Variants in EIF5B observed in about 807,000 individuals in gnomAD.
EIF5B encodes the protein eukaryotic translation initiation factor 5B, also known as eIF-5B.
A neutral mutation model predicts 147.5 loss-of-function variants in EIF5B; 47 were observed. That is an observed-to-expected ratio of 0.32 (90% CI 0.25 to 0.41). The LOEUF is 0.41. EIF5B is among the 10% of genes least tolerant of loss of function. The pLI is 1.00. For missense variants in EIF5B, 1,064 were observed against 1,413.2 expected (o/e 0.75, Z 3.96); for synonymous variants, 455 against 456.2 (o/e 1.00, Z 0.03).
rs1203393035 is a variant in EIF5B at position 99,390,273 on chromosome 2, T to C, written c.2458T>C (p.Leu820=). 3.1e-6 allele frequency: 5 copies of C among 1,614,030 alleles called. No individual in the cohort carries two copies. The highest frequency in any genetic ancestry group is 1.7e-5 in the Admixed American group (1 of 60,008). The change falls in exon 16 of 24, where the codon TTG becomes CTG. Residue 820 remains leucine, a synonymous_variant. Transcript: ENST00000289371. ...TAAAGATCCCCGCACTTTTGTGTCT[T>C]TGGTACCTACCTCTGCACATACTGG... ...ENKDPRTFVS[L]VPTSAHTGDG...
rs767337091 is a variant in EIF5B at position 99,401,191 on chromosome 2, C to T, written c.*1777C>T. On this transcript the variant is annotated 3_prime_UTR_variant, in exon 24 of 24. Coordinates refer to ENST00000289371, the MANE Select transcript of EIF5B (RefSeq NM_015904.4). ...TATCATGCACTTTGCAAATACCTCA[C>T]AAGCACTTATGGCACAGCTATCAGA... 1.7e-6 allele frequency: 2 copies of T among 1,158,726 alleles called. No homozygotes were observed. The highest frequency in any genetic ancestry group is 2.5e-5 in the South Asian group (2 of 80,484). The allele number at this position is 1,158,726 out of a possible 1,614,324, so 71.8% of individuals were successfully genotyped here.
chr2:99,398,807 A>G lies in EIF5B; in HGVS notation c.3453A>G (p.Ala1151=), dbSNP rs762461406. The change falls in exon 23 of 24, where the codon GCA becomes GCG. Residue 1151 remains alanine, a synonymous_variant. Transcript: ENST00000289371. ...TAAACCATAAACAAGTGGATGTTGC[A>G]AAAAAAGGACAAGAAGTTTGTGTAA... ...IEINHKQVDV[A]KKGQEVCVKI... The G allele has an allele frequency of 6.2e-7, 1 of 1,613,318 alleles. No individual in the cohort carries two copies. Among genetic ancestry groups the G allele is most frequent in the Non-Finnish European group, 8.5e-7 (1 of 1,179,550 alleles).
At position 99,361,615 on chromosome 2, in the gene EIF5B, C is replaced by T. The variant is rs750268998; in HGVS notation, c.714C>T (p.Arg238=). The change falls in exon 4 of 24, where the codon CGC becomes CGT. Residue 238 remains arginine (R), a synonymous_variant. Coordinates refer to ENST00000289371, the MANE Select transcript of EIF5B (RefSeq NM_015904.4). ...VAQKKAEKKE[R]ERKKRDEEKA... ...AAAAGAAGGCAGAAAAGAAGGAGCG[C>T]GAGAGAAAAAAGCGAGATGAAGAAA... is the stretch of plus-strand genomic sequence containing the variant. 14 of 1,593,692 alleles carry T rather than the reference C, an allele frequency of 8.8e-6. No individual in the cohort carries two copies. The highest frequency in any genetic ancestry group is 1.7e-4 in the Middle Eastern group (1 of 5,960).
rs1452773506 is a variant in EIF5B at position 99,382,862 on chromosome 2, A to C, written c.2212A>C (p.Ile738Leu). ...TATGCATGGTTTGGAGCCCCAGACA[A>C]TTGAGTCTATCAACCTTCTCAAATC... ...DIMHGLEPQT[I>L]ESINLLKSKK... The change falls in exon 14 of 24, where the codon ATT (isoleucine) becomes CTT (leucine). Residue 738 changes from isoleucine to leucine, a missense_variant. Ile to Leu is a conservative substitution (Grantham distance 5). Transcript: ENST00000289371. 1 of 1,612,672 alleles carries C rather than the reference A, an allele frequency of 6.2e-7. No homozygotes were observed. The highest frequency in any genetic ancestry group is 1.7e-5 in the Admixed American group (1 of 59,858).
intron 21 of EIF5B, 42 bp downstream of exon 21, chr2:99,394,925 A>T (rs1347492909): frequency 6.7e-7 from 1 of 1,494,436 alleles, no homozygotes; most frequent in Non-Finnish European, 9.0e-7. Context: ...TTGTTAATGA[A>T]CATGATTGAG....
intron 14 of EIF5B, 54 bp downstream of exon 14, chr2:99,382,975 G>A (rs1674722150): frequency 6.6e-7 from 1 of 1,510,556 alleles, no homozygotes; most frequent in South Asian, 1.3e-5. Context: ...TTAATTTTTT[G>A]TGATTAAAAA....
chr2:99,379,208 G>A, intron 11 of EIF5B, 82 bp downstream of exon 11: 2 of 1,400,784 alleles, frequency 1.4e-6, no homozygotes, highest in Non-Finnish European at 2.0e-6. Flanking sequence ...GAGACCAATA[G>A]GACATATAAG....
chr2:99,337,717 C>T (rs922114842), intron 1 of EIF5B, 128 bp downstream of exon 1: 34 of 1,240,506 alleles, frequency 2.7e-5, no homozygotes, highest in Middle Eastern at 5.6e-4. Context: ...AGGCCTGGGC[C>T]CAGAGTGTGC....
At chr2:99,354,650 G>C (rs1471820417) in intron 1 of EIF5B, among the ~76,000 whole-genome samples, 7 of 151,892 alleles carry the variant, frequency 4.6e-5, no homozygotes, top group African/African-American at 1.5e-4. Flanking sequence ...ATTTTTTTAA[G>C]TACATCATAT....
intron 1 of EIF5B, among the ~76,000 whole-genome samples, chr2:99,350,679 T>G (rs886727965): frequency 8.5e-5 from 13 of 152,236 alleles, no homozygotes; most frequent in Non-Finnish European, 5.9e-5. Context: ...ATATATAGTT[T>G]GTGAATATTT....
At chr2:99,354,852 T>A (rs1376510035) in intron 1 of EIF5B, among the ~76,000 whole-genome samples, 1 of 147,214 alleles carries the variant, frequency 6.8e-6, no homozygotes, top group African/African-American at 2.5e-5. Context: ...ACCCAGGCCG[T>A]AGTGCAGTGG....
chr2:99,360,816 C>T (rs1251039818), intron 3 of EIF5B, among the ~76,000 whole-genome samples: 5 of 152,158 alleles, frequency 3.3e-5, no homozygotes, highest in South Asian at 2.1e-4. Flanking sequence ...TTTCATCCTT[C>T]GAATTTGGAT....
At chr2:99,399,262 GTT>G (rs776976571) in intron 23 of EIF5B, 43 bp from the exon 24 acceptor site, 3 of 1,582,424 alleles carry the variant, frequency 1.9e-6, no homozygotes, top group Non-Finnish European at 2.6e-6. Context: ...TCTTTGGCAC[GTT>G]TGTTATGTTC....
intron 14 of EIF5B, among the ~76,000 whole-genome samples, chr2:99,383,293 A>G (rs2104231855): frequency 6.6e-6 from 1 of 152,240 alleles, no homozygotes; most frequent in Non-Finnish European, 1.5e-5. Flanking sequence ...GGTGCCACAA[A>G]CCACACCCCT....
intron 1 of EIF5B, among the ~76,000 whole-genome samples, chr2:99,355,466 A>G (rs1378072362): frequency 6.6e-6 from 1 of 152,066 alleles, no homozygotes; most frequent in Admixed American, 6.5e-5. Flanking sequence ...GATTTCTTTC[A>G]TAAGCATTTT....
chr2:99,384,471 T>C (rs1674758224), intron 14 of EIF5B, among the ~76,000 whole-genome samples: 1 of 152,220 alleles, frequency 6.6e-6, no homozygotes. Flanking sequence ...GATCAAGGAG[T>C]GTTTTCAACT....
intron 14 of EIF5B, among the ~76,000 whole-genome samples, chr2:99,389,450 T>A (rs1415463728): frequency 1.3e-5 from 2 of 152,194 alleles, no homozygotes; most frequent in Non-Finnish European, 2.9e-5. Context: ...TTAGGATAAT[T>A]CTAGGATGTT....
At chr2:99,372,795 A>G (rs1472250945) in intron 9 of EIF5B, among the ~76,000 whole-genome samples, 1 of 152,246 alleles carries the variant, frequency 6.6e-6, no homozygotes, top group African/African-American at 2.4e-5. Context: ...ATGTTTGGAA[A>G]GAATTTATAT....
At chr2:99,371,933 T>G (rs1674459566) in intron 9 of EIF5B, among the ~76,000 whole-genome samples, 2 of 152,222 alleles carry the variant, frequency 1.3e-5, no homozygotes, top group African/African-American at 4.8e-5. Context: ...CTCAGAATGT[T>G]ATTTGTAAGA....
Sources: gnomAD v4.1 joint callset for allele counts (sites outside exome capture counted in the v4.1 genomes callset) on GRCh38, gnomAD v4.1.1 for gene constraint, MANE v1.5 for transcripts, NCBI Gene and HGNC (gene_info 2026-07-23, HGNC 2026-07-21) for gene names.